The following RABEP2 variants were observed in gnomAD, a reference collection of about 807,000 sequenced individuals.
RABEP2 encodes the protein rabaptin, RAB GTPase binding effector protein 2.
A neutral mutation model predicts 74.1 loss-of-function variants in RABEP2; 57 were observed. The observed-to-expected ratio is 0.77, with a 90% CI of 0.62 to 0.96. The LOEUF (loss-of-function observed/expected upper bound fraction) is 0.96, where lower values mean the gene tolerates loss of function less well. Ranked by LOEUF, RABEP2 falls within the 40% of genes least tolerant of loss-of-function variation. The pLI is 0.00. For synonymous variants in RABEP2, 351 were observed against 344.0 expected (o/e 1.02, Z -0.23); for missense variants, 692 against 756.3 (o/e 0.91, Z 1.00).
chr16:28,913,761 A>C (rs866504470), intron 5 of RABEP2, among the ~76,000 whole-genome samples: 1 of 146,420 alleles, frequency 6.8e-6, no homozygotes, highest in Middle Eastern at 3.6e-3. Flanking sequence ...ACAGGCATGA[A>C]CCACCGCACC....
At chr16:28,910,630 A>C (rs1349632880) in intron 7 of RABEP2, 3 of 429,332 alleles carry the variant, frequency 7.0e-6, no homozygotes, top group Non-Finnish European at 1.3e-5. Flanking sequence ...TGTCAGTTTT[A>C]TAGATGGTGA....
At position 28,910,717 on chromosome 16, in the gene RABEP2, G is replaced by A. The variant is rs995708945; in HGVS notation, c.1089+171C>T. 9 of 597,570 alleles carry A rather than the reference G, an allele frequency of 1.5e-5. 1 individual carries two copies. The highest frequency in any genetic ancestry group is 1.0e-4 in the South Asian group (5 of 47,886). The allele number at this position is 597,570 out of a possible 1,614,324, so 37.0% of individuals were successfully genotyped here. A position where few individuals can be genotyped will look rare whatever the true frequency, so the allele number is the denominator to read the frequency against. On this transcript the variant is annotated intron_variant, in intron 7 of 12. Transcript: ENST00000358201. ...CTGCAGGGGCCCTGTTCTGGCCACG[G>A]CACCAGCTGCCCCAAAACCCTCTTA...
intron 1 of RABEP2, chr16:28,924,828 A>G (rs1596706773): frequency 1.4e-6 from 1 of 697,926 alleles, no homozygotes; most frequent in African/African-American, 2.1e-5. Context: ...GGCCAGTTTC[A>G]CTCAGTCCTC....
intron 2 of RABEP2, chr16:28,921,089 C>T: frequency 2.2e-6 from 1 of 446,054 alleles, no homozygotes; most frequent in Non-Finnish European, 4.5e-6. Context: ...GTCTTGAACT[C>T]CTGAGCTCAA....
intron 9 of RABEP2, 61 bp from the exon 10 acceptor site, chr16:28,905,939 AC>A (rs1393064043): frequency 3.1e-6 from 5 of 1,612,736 alleles, no homozygotes; most frequent in East Asian, 4.5e-5. Flanking sequence ...GCTGCTGCCC[AC>A]GCCTGGGCCC....
At position 28,920,012 on chromosome 16, in the gene RABEP2, G is replaced by C. The variant is rs1964449173; in HGVS notation, c.275-69C>G. 3 of 1,470,024 alleles carry C rather than the reference G, an allele frequency of 2.0e-6. No homozygotes were observed. In the East Asian group the frequency reaches 7.1e-5, roughly 35 times the overall value. The allele number at this position is 1,470,024 out of a possible 1,614,324, so 91.1% of individuals were successfully genotyped here. On this transcript the variant is annotated intron_variant, in intron 2 of 12. Transcript: ENST00000358201. ...GCCAGCCCTGCCTGTGGGCGAGCAG[G>C]GGACTCTTGATGCACTGACTCTTTC...
intron 5 of RABEP2, 119 bp from the exon 6 acceptor site, chr16:28,911,298 GC>G: frequency 1.1e-6 from 1 of 892,220 alleles, no homozygotes; most frequent in Non-Finnish European, 1.7e-6. Flanking sequence ...CAAATTACAG[GC>G]CCAGCCATCC....
chr16:28,905,273 C>A, intron 12 of RABEP2, 124 bp downstream of exon 12: 1 of 763,988 alleles, frequency 1.3e-6, no homozygotes, highest in Non-Finnish European at 2.2e-6. Flanking sequence ...CAGCTCAGGA[C>A]AGGACCATGC....
chr16:28,912,402 C>A (rs1485594126), intron 5 of RABEP2, among the ~76,000 whole-genome samples: 1 of 125,888 alleles, frequency 7.9e-6, no homozygotes, highest in African/African-American at 2.8e-5. Context: ...AGCTTTCTTT[C>A]TTTCTTTTTT....
At position 28,914,223 on chromosome 16, in the gene RABEP2, C is replaced by G; in HGVS notation, c.894+13G>C. The G allele has an allele frequency of 6.4e-7, 1 of 1,574,696 alleles. No individual in the cohort carries two copies. Among genetic ancestry groups the G allele is most frequent in the Non-Finnish European group, 8.6e-7 (1 of 1,160,286 alleles). ...GGGATGGTACACCCCGCCACCCTGCCCACAACACTCACCTCTGTCTGCAGC... is the reference window on the plus strand; with the variant it reads ...GGGATGGTACACCCCGCCACCCTGCGCACAACACTCACCTCTGTCTGCAGC... On this transcript the variant is annotated intron_variant, in intron 5 of 12. Transcript: ENST00000358201.
chr16:28,918,509 G>C (rs1355635881), intron 3 of RABEP2, among the ~76,000 whole-genome samples: 1 of 151,898 alleles, frequency 6.6e-6, no homozygotes, highest in East Asian at 2.0e-4. Flanking sequence ...CAGCTATTCG[G>C]GAGGCTGAGG....
At chr16:28,911,255 C>A in intron 5 of RABEP2, 76 bp from the exon 6 acceptor site, 1 of 1,393,994 alleles carries the variant, frequency 7.2e-7, no homozygotes, top group Non-Finnish European at 9.9e-7. Context: ...TGGCCCACCT[C>A]TGCAGGGAGG....
chr16:28,914,838 G>A lies in RABEP2; in HGVS notation c.433-56C>T, dbSNP rs144359017. 503 of 1,507,960 alleles carry A rather than the reference G, an allele frequency of 3.3e-4. 4 individuals carry two copies. The East Asian group carries it at 7.4e-3, about 22-fold the overall frequency. The allele number at this position is 1,507,960 out of a possible 1,614,324, so 93.4% of individuals were successfully genotyped here. ...TCCCCCTCCAAAGTGCTGAAGCCCCGGGTCTGTTCAGAGCTTCCTCTCCAA... is the reference window on the plus strand; with the variant it reads ...TCCCCCTCCAAAGTGCTGAAGCCCCAGGTCTGTTCAGAGCTTCCTCTCCAA... On this transcript the variant is annotated intron_variant, in intron 3 of 12. Coordinates refer to ENST00000358201, the MANE Select transcript of RABEP2 (RefSeq NM_024816.3).
In RABEP2 at chr16:28,914,790, G is replaced by C; in HGVS notation, c.433-8C>G. 6.2e-7 allele frequency: 1 copy of C among 1,612,822 alleles called. No individual in the cohort carries two copies. The highest frequency in any genetic ancestry group is 8.5e-7 in the Non-Finnish European group (1 of 1,179,050). ...CTCCGAGTCCTCGTGGGCCTGGAGG[G>C]AGCGGGGTGTGGCAGCAATAGTTCC... On this transcript the variant is annotated splice_region_variant and splice_polypyrimidine_tract_variant and intron_variant, in intron 3 of 12. Coordinates refer to ENST00000358201, the MANE Select transcript of RABEP2 (RefSeq NM_024816.3).
At chr16:28,918,378 G>A (rs996092875) in intron 3 of RABEP2, among the ~76,000 whole-genome samples, 5 of 152,164 alleles carry the variant, frequency 3.3e-5, no homozygotes, top group African/African-American at 7.2e-5. Context: ...TTTGGGAGGC[G>A]GAGGCGGGCC....
chr16:28,913,366 A>G (rs75920811), intron 5 of RABEP2, among the ~76,000 whole-genome samples: 8,612 of 151,968 alleles, frequency 0.057, 805 homozygotes, highest in African/African-American at 0.19. Flanking sequence ...CCTGGTGACA[A>G]TGTCTTCCCC....
chr16:28,909,600 G>C (rs888842829), intron 7 of RABEP2, among the ~76,000 whole-genome samples: 2 of 152,058 alleles, frequency 1.3e-5, no homozygotes, highest in African/African-American at 4.8e-5. Flanking sequence ...TGTAGTCCCA[G>C]CTACTCAGGA....
intron 3 of RABEP2, among the ~76,000 whole-genome samples, chr16:28,916,762 G>A (rs1281012896): frequency 2.0e-5 from 3 of 151,274 alleles, no homozygotes; most frequent in Non-Finnish European, 4.4e-5. Context: ...AAGGTGGGCC[G>A]ATCACAAGGT....
In RABEP2 at chr16:28,905,075, A is replaced by G. The variant is rs186764193; in HGVS notation, c.1609-31T>C. On this transcript the variant is annotated intron_variant, in intron 12 of 12. Coordinates refer to ENST00000358201, the MANE Select transcript of RABEP2 (RefSeq NM_024816.3). The stretch of plus-strand genomic sequence containing the variant: ...GGATCGGACGAGGGGAGCAGAGTGC[A>G]CTTGTGGGGAAACGCAGCCCCTACC... 5.1e-5 allele frequency: 79 copies of G among 1,563,380 alleles called. No individual in the cohort carries two copies. The Admixed American group carries it at 1.3e-3, about 26-fold the overall frequency.
Sources: gnomAD v4.1 joint callset for allele counts (sites outside exome capture counted in the v4.1 genomes callset) on GRCh38, gnomAD v4.1.1 for gene constraint, MANE v1.5 for transcripts, NCBI Gene and HGNC (gene_info 2026-07-23, HGNC 2026-07-21) for gene names.